UNC13A: variants seen among roughly 807,000 people sequenced by gnomAD.
The protein encoded by UNC13A is protein unc-13 homolog A.
In UNC13A, 61 loss-of-function variants were observed where a neutral mutation model predicts 219.7. The ratio of observed to expected loss-of-function variants is 0.28; its 90% CI spans 0.23 to 0.34. The LOEUF (loss-of-function observed/expected upper bound fraction) is 0.34, where lower values mean the gene tolerates loss of function less well. Ranked by LOEUF, UNC13A falls within the 10% of genes least tolerant of loss-of-function variation. UNC13A has a pLI of 1.00. For synonymous variants in UNC13A, 920 were observed against 884.6 expected (o/e 1.04, Z -0.71); for missense variants, 1,476 against 2,270.3 (o/e 0.65, Z 7.11).
chr19:17,610,023 G>A lies in UNC13A; in HGVS notation c.4728C>T (p.Pro1576=). The change falls in exon 43 of 44, where the codon CCC becomes CCT. Residue 1576 remains proline (P), a synonymous_variant. Coordinates refer to ENST00000519716, the MANE Select transcript of UNC13A (RefSeq NM_001080421.3). ...ACTTGCGTTTCTTGTCGCTGAGCTG[G>A]GGCCCAATGATGTTGACCTCGATGA... is the stretch of plus-strand genomic sequence containing the variant. ...RPFIEVNIIG[P]QLSDKKRKFA... 6.2e-7 allele frequency: 1 copy of A among 1,614,046 alleles called. No homozygotes were observed. The highest frequency in any genetic ancestry group is 8.5e-7 in the Non-Finnish European group (1 of 1,179,904).
intron 43 of UNC13A, 65 bp from the exon 44 acceptor site, chr19:17,606,419 G>A (rs1041308228): frequency 1.1e-5 from 16 of 1,508,894 alleles, no homozygotes; most frequent in Admixed American, 1.0e-4. Flanking sequence ...CCACGGCCCC[G>A]TCCCCACCGC....
At position 17,674,779 on chromosome 19, in the gene UNC13A, C is replaced by A. The variant is rs1342646927; in HGVS notation, c.53-23G>T. On this transcript the variant is annotated intron_variant, in intron 2 of 43. Transcript: ENST00000519716. This position sits in a 1 kb window ranked among gnomAD's most constrained non-coding sequence, Gnocchi z 5.0. ...TCTCTGTGGCAGTGAGAGTAGGGGTCAGCGCTGGGGCTCAGGGACTCTCCA... is the reference window on the plus strand; with the variant it reads ...TCTCTGTGGCAGTGAGAGTAGGGGTAAGCGCTGGGGCTCAGGGACTCTCCA... 2 of 1,598,228 alleles carry A rather than the reference C, an allele frequency of 1.3e-6. No homozygotes were observed. Among genetic ancestry groups the A allele is most frequent in the Non-Finnish European group, 1.7e-6 (2 of 1,165,758 alleles).
rs1599377627 is a variant in UNC13A at position 17,649,695 on chromosome 19, C to A, written c.1440-108G>T. 1 of 1,272,550 alleles carries A rather than the reference C, an allele frequency of 7.9e-7. No homozygotes were observed. Among genetic ancestry groups the A allele is most frequent in the Non-Finnish European group, 1.1e-6 (1 of 888,298 alleles). 78.8% of individuals were successfully genotyped at this position (1,272,550 alleles called of 1,614,324 possible). A position where few individuals can be genotyped will look rare whatever the true frequency, so the allele number is the denominator to read the frequency against. On this transcript the variant is annotated intron_variant, in intron 12 of 43. Transcript: ENST00000519716. The surrounding 1 kb of genome is among the most constrained non-coding windows in gnomAD (Gnocchi z 4.4). ...AGGTGTTAAGGGGTTGAATTGGGTCCCTCAAAAAAAAGATACGCTGATGCC... is the reference window on the plus strand; with the variant it reads ...AGGTGTTAAGGGGTTGAATTGGGTCACTCAAAAAAAAGATACGCTGATGCC...
Position 17,648,680 on chromosome 19 carries a change from G to T in UNC13A, c.1597-30C>A, listed in dbSNP as rs1403175728. The T allele has an allele frequency of 3.8e-6, 6 of 1,587,528 alleles. No individual in the cohort carries two copies. In the African/African-American group the frequency reaches 8.1e-5, roughly 21 times the overall value. On this transcript the variant is annotated intron_variant, in intron 15 of 43. Coordinates refer to ENST00000519716, the MANE Select transcript of UNC13A (RefSeq NM_001080421.3). ...AGGGAGGGATGGGGTGCGGTTTGGG[G>T]GCGCCTAACCTGGCGCTGTCCCTGT...
chr19:17,671,479 A>T (rs2079786690), intron 4 of UNC13A, among the ~76,000 whole-genome samples: 1 of 152,070 alleles, frequency 6.6e-6, no homozygotes, highest in Non-Finnish European at 1.5e-5. Context: ...AGATGAATAG[A>T]CATGACCACG....
At chr19:17,639,288 A>T (rs539913561) in intron 24 of UNC13A, 71 bp from the exon 25 acceptor site, 11 of 1,602,222 alleles carry the variant, frequency 6.9e-6, no homozygotes, top group African/African-American at 2.7e-5. Context: ...ACTGCGAGTC[A>T]TTTTGGGTTT....
In UNC13A at chr19:17,620,718, C is replaced by T. The variant is rs2076720503; in HGVS notation, c.4247G>A (p.Arg1416Lys). 5 of 1,613,034 alleles carry T rather than the reference C, an allele frequency of 3.1e-6. No individual in the cohort carries two copies. The highest frequency in any genetic ancestry group is 2.2e-5 in the South Asian group (2 of 90,702). ...GTCTGAGTGGCTTGGCAATTTCACC[C>T]TGCCCTGTGGAGAGAATCAGGTGGA... ...RKHGKGLEKG[R>K]VKLPSHSDGT... The change falls in exon 38 of 44, where the codon AGG becomes AAG. Residue 1416 changes from arginine (R) to lysine (K), a missense_variant. Physicochemically the swap from Arg to Lys is conservative, Grantham distance 26. Coordinates refer to ENST00000519716, the MANE Select transcript of UNC13A (RefSeq NM_001080421.3).
intron 31 of UNC13A, chr19:17,628,321 C>A: frequency 5.4e-6 from 1 of 184,302 alleles, no homozygotes; most frequent in Non-Finnish European, 1.1e-5. Context: ...CGTGTGCCCT[C>A]ACCCCGAGAT....
At chr19:17,607,196 C>A (rs1017175324) in intron 43 of UNC13A, among the ~76,000 whole-genome samples, 3 of 152,162 alleles carry the variant, frequency 2.0e-5, no homozygotes, top group Admixed American at 2.0e-4. Flanking sequence ...AGCTCCCAGG[C>A]CCCCTAGATA....
At chr19:17,682,275 T>A (rs1053207830) in intron 1 of UNC13A, among the ~76,000 whole-genome samples, 1 of 152,112 alleles carries the variant, frequency 6.6e-6, no homozygotes, top group Admixed American at 6.6e-5. Flanking sequence ...TTTCATGTCT[T>A]TTGCTCACGA....
chr19:17,632,514 A>G (rs959916156), intron 28 of UNC13A, among the ~76,000 whole-genome samples: 2 of 152,246 alleles, frequency 1.3e-5, no homozygotes, highest in African/African-American at 2.4e-5. Context: ...TCCGCAAAAT[A>G]GGAATTAAAA....
chr19:17,639,494 A>C lies in UNC13A; in HGVS notation c.2888T>G (p.Leu963Arg). 6.2e-7 allele frequency: 1 copy of C among 1,613,426 alleles called. No individual in the cohort carries two copies. The highest frequency in any genetic ancestry group is 8.5e-7 in the Non-Finnish European group (1 of 1,179,832). The change falls in exon 24 of 44, where the codon CTC (leucine) becomes CGC (arginine). Residue 963 changes from leucine to arginine, a missense_variant. By Grantham distance (102) the Leu-to-Arg change is moderately radical. Around this residue, in one of 14 missense-constraint regions of UNC13A, gnomAD observed 140 missense variants for 270.9 expected, o/e 0.52. Coordinates refer to ENST00000519716, the MANE Select transcript of UNC13A (RefSeq NM_001080421.3). Reference protein sequence around the residue: ...NNFPASSPERLQDLKSTVDLL... With the variant: ...NNFPASSPERRQDLKSTVDLL... ...GTCCACAGTGGATTTGAGGTCCTGG[A>C]GTCTCTCCGGGCTGCTGGCTGGGAA...
intron 4 of UNC13A, among the ~76,000 whole-genome samples, chr19:17,671,378 G>C (rs2079784466): frequency 6.6e-6 from 1 of 152,180 alleles, no homozygotes; most frequent in Non-Finnish European, 1.5e-5. Context: ...GGGGAGGACA[G>C]ATCAGAGCTC....
intron 15 of UNC13A, 89 bp from the exon 16 acceptor site, chr19:17,648,739 A>G: frequency 6.5e-7 from 1 of 1,541,400 alleles, no homozygotes; most frequent in Non-Finnish European, 8.9e-7. Context: ...TGAGCGCGGT[A>G]AAGTCCCAGG....
rs542806210 is a variant in UNC13A, at chr19:17,683,397, C to T, written c.22+4781G>A. ...CTGTAATCTCAGTACATTGGGAGGC[C>T]GAGGCAAGAGGATCACTTGAAGTCA... On this transcript the variant is annotated intron_variant, in intron 1 of 43. Coordinates refer to ENST00000519716, the MANE Select transcript of UNC13A (RefSeq NM_001080421.3). Among the ~76,000 whole-genome samples, 28 of 151,922 alleles carry T rather than the reference C, an allele frequency of 1.8e-4. 1 individual carries two copies. In the East Asian group the frequency reaches 3.9e-3, roughly 21 times the overall value.
Position 17,601,387 on chromosome 19 carries a change from A to G in UNC13A, c.*4667T>C, listed in dbSNP as rs910917627. 3.3e-5 allele frequency: 5 copies of G among 152,578 alleles called. No homozygotes were observed. The highest frequency in any genetic ancestry group is 1.2e-4 in the African/African-American group (5 of 41,440). 9.5% of individuals were successfully genotyped at this position (152,578 alleles called of 1,614,324 possible). On this transcript the variant is annotated 3_prime_UTR_variant, in exon 44 of 44. Coordinates refer to ENST00000519716, the MANE Select transcript of UNC13A (RefSeq NM_001080421.3). ...TCTGCTGTTAATAAAATATTTTTAC[A>G]GAGACCAAAAAGTCAGAATAGTGCA...
chr19:17,629,225 G>C lies in UNC13A; in HGVS notation c.3753+15C>G. 6.3e-7 allele frequency: 1 copy of C among 1,598,708 alleles called. No homozygotes were observed. The highest frequency in any genetic ancestry group is 2.2e-5 in the East Asian group (1 of 44,456). ...GGCTGAGGAGGGAGATAGGTCAGGG[G>C]CCCCCTCAGGTCACCACTTTCTCCT... On this transcript the variant is annotated intron_variant, in intron 31 of 43. Transcript: ENST00000519716.
In UNC13A at chr19:17,627,805, G is replaced by T; in HGVS notation, c.3831+58C>A. ...GGCATATGAGCTCAGGGGCCTGCAG[G>T]GACACAGTGGTGGGGGTGCCCCATC... On this transcript the variant is annotated intron_variant, in intron 32 of 43. Transcript: ENST00000519716. This position sits in a 1 kb window ranked among gnomAD's most constrained non-coding sequence, Gnocchi z 4.7. 1 of 1,531,588 alleles carries T rather than the reference G, an allele frequency of 6.5e-7. No individual in the cohort carries two copies. The highest frequency in any genetic ancestry group is 2.4e-5 in the East Asian group (1 of 41,608). 94.9% of individuals were successfully genotyped at this position (1,531,588 alleles called of 1,614,324 possible).
At position 17,627,369 on chromosome 19, in the gene UNC13A, G is replaced by T; in HGVS notation, c.3920+140C>A. On this transcript the variant is annotated intron_variant, in intron 33 of 43. Coordinates refer to ENST00000519716, the MANE Select transcript of UNC13A (RefSeq NM_001080421.3). This position sits in a 1 kb window ranked among gnomAD's most constrained non-coding sequence, Gnocchi z 4.7. ...GGCCACACAGCTAGTAAGCAGTAAA[G>T]CCAAGATTTGAACTCAGCCTTGTCT... 1 of 663,388 alleles carries T rather than the reference G, an allele frequency of 1.5e-6. No individual in the cohort carries two copies. The allele number at this position is 663,388 out of a possible 1,614,324, so 41.1% of individuals were successfully genotyped here.
Sources: allele counts gnomAD v4.1 joint callset (sites outside exome capture counted in the v4.1 genomes callset), GRCh38; gene constraint gnomAD v4.1.1; regional missense constraint gnomAD v4.1.1; non-coding constraint Gnocchi (gnomAD v3.1); transcripts MANE v1.5; gene names NCBI Gene and HGNC (gene_info 2026-07-23, HGNC 2026-07-21).